GLT1D1: variants seen among roughly 807,000 people sequenced by gnomAD.
The protein encoded by GLT1D1 is glycosyltransferase 1 domain containing 1, also known as glycosyltransferase 1 domain-containing protein 1.
GLT1D1 carries 21 observed loss-of-function variants against 28.7 expected under a neutral mutation model. That is an observed-to-expected ratio of 0.73 (90% CI 0.52 to 1.05). The LOEUF is 1.05. GLT1D1 is among the 50% of genes least tolerant of loss of function. The pLI is 0.00. For missense variants in GLT1D1, 343 were observed against 330.6 expected (o/e 1.04, Z -0.29); for synonymous variants, 147 against 124.8 (o/e 1.18, Z -1.19).
chr12:128,962,883 A>C (rs1271613475), intron 7 of GLT1D1, among the ~76,000 whole-genome samples: 1 of 152,020 alleles, frequency 6.6e-6, no homozygotes, highest in Non-Finnish European at 1.5e-5. Flanking sequence ...GTATTTTATC[A>C]GTAGAGACGG....
At chr12:128,865,804 A>G (rs1051354764) in intron 1 of GLT1D1, among the ~76,000 whole-genome samples, 3 of 152,092 alleles carry the variant, frequency 2.0e-5, no homozygotes, top group African/African-American at 7.2e-5. Flanking sequence ...CCTGGGTGAC[A>G]GGGCGAGACT....
At position 128,876,039 on chromosome 12, in the gene GLT1D1, A is replaced by T; in HGVS notation, c.194A>T (p.Tyr65Phe). Residue 65 changes from tyrosine (Y) to phenylalanine (F), a missense_variant, in exon 2 of 8, where the codon TAT (tyrosine) becomes TTT (phenylalanine). Tyr to Phe is a conservative substitution (Grantham distance 22, BLOSUM62 3). Transcript: ENST00000281703. Reference sequence around the variant, plus strand: ...GAGGCTGCCCTGGCTCTTCATCTCTATAGGGGAGGCAGGCTTTTGCAAGGT... The same window carrying T: ...GAGGCTGCCCTGGCTCTTCATCTCTTTAGGGGAGGCAGGCTTTTGCAAGGT... The T allele has an allele frequency of 6.2e-7, 1 of 1,608,242 alleles. No individual in the cohort carries two copies. The highest frequency in any genetic ancestry group is 1.1e-5 in the South Asian group (1 of 89,554).
At chr12:128,982,351 G>A (rs1025915502) in intron 7 of GLT1D1, among the ~76,000 whole-genome samples, 12 of 152,194 alleles carry the variant, frequency 7.9e-5, no homozygotes, top group Admixed American at 6.5e-4. Context: ...AAGTGAGGTC[G>A]TTCAGAAGAA....
intron 4 of GLT1D1, among the ~76,000 whole-genome samples, chr12:128,930,034 C>G (rs973616781): frequency 6.6e-6 from 1 of 152,104 alleles, no homozygotes; most frequent in Admixed American, 6.6e-5. Context: ...ACATTGAATA[C>G]CATATGGAAG....
At chr12:128,958,114 G>A (rs76076858) in intron 7 of GLT1D1, among the ~76,000 whole-genome samples, 1,809 of 152,306 alleles carry the variant, frequency 0.012, 39 homozygotes, top group African/African-American at 0.039. Context: ...CTGTCCATCG[G>A]TCCAGCTGGT....
At chr12:128,959,935 A>T (rs1435936568) in intron 7 of GLT1D1, among the ~76,000 whole-genome samples, 1 of 152,208 alleles carries the variant, frequency 6.6e-6, no homozygotes. Context: ...CTGAATAGCA[A>T]TTCCTTATAA....
chr12:128,929,500 A>G (rs1309446005), intron 4 of GLT1D1, among the ~76,000 whole-genome samples: 1 of 152,168 alleles, frequency 6.6e-6, no homozygotes, highest in African/African-American at 2.4e-5. Context: ...AGCGAACTCT[A>G]CACAACTGCC....
intron 7 of GLT1D1, among the ~76,000 whole-genome samples, chr12:128,982,149 C>G (rs113413360): frequency 6.6e-6 from 1 of 152,098 alleles, no homozygotes; most frequent in Non-Finnish European, 1.5e-5. Context: ...AAACACAGCC[C>G]GAAGCTGAGC....
intron 1 of GLT1D1, among the ~76,000 whole-genome samples, chr12:128,858,760 C>A (rs1276317653): frequency 1.3e-5 from 2 of 152,018 alleles, no homozygotes; most frequent in Admixed American, 6.6e-5. Context: ...AAGTCTAGCA[C>A]CTTTTAAAGA....
At chr12:128,928,611 G>GCTTTTTTTTTTT (rs761083100) in intron 4 of GLT1D1, among the ~76,000 whole-genome samples, 1 of 147,030 alleles carries the variant, frequency 6.8e-6, no homozygotes. Context: ...GCGTGTTTGT[G>GCTTTTTTTTTTT]GTTTTTTTTT....
intron 7 of GLT1D1, among the ~76,000 whole-genome samples, chr12:128,982,446 C>T (rs2135563196): frequency 6.6e-6 from 1 of 152,302 alleles, no homozygotes; most frequent in East Asian, 1.9e-4. Context: ...CTTGGCTCTG[C>T]ACCCAGGGAA....
chr12:128,957,405 C>T (rs1220652145), intron 6 of GLT1D1, 140 bp from the exon 11 acceptor site: 3 of 589,710 alleles, frequency 5.1e-6, no homozygotes, highest in South Asian at 4.0e-5. Flanking sequence ...ATTGGGATAT[C>T]GTTTTGGAAA....
chr12:128,859,301 A>T (rs1256781546), intron 1 of GLT1D1, among the ~76,000 whole-genome samples: 1 of 152,062 alleles, frequency 6.6e-6, no homozygotes, highest in African/African-American at 2.4e-5. Flanking sequence ...AACCAATGGG[A>T]TGGGAAGAGA....
intron 7 of GLT1D1, among the ~76,000 whole-genome samples, chr12:128,973,258 T>C (rs2135546979): frequency 6.9e-6 from 1 of 144,060 alleles, no homozygotes; most frequent in East Asian, 2.2e-4. Context: ...TATTGGCTCA[T>C]TGTAACCTCC....
intron 4 of GLT1D1, among the ~76,000 whole-genome samples, chr12:128,932,108 G>A (rs944198177): frequency 6.6e-6 from 1 of 152,212 alleles, no homozygotes; most frequent in Non-Finnish European, 1.5e-5. Flanking sequence ...AGTCGGGGGC[G>A]TGGGGCTGCA....
chr12:128,966,278 A>T lies in GLT1D1; in HGVS notation c.639+8635A>T, dbSNP rs78194526. ...CCAGCATCCCTGCCTGAAATGCCCC[A>T]GGGGTGGCTGGCTGCACTTGGAAGA... On this transcript the variant is annotated intron_variant, in intron 7 of 7. Transcript: ENST00000281703. 2.0e-5 allele frequency among the ~76,000 whole-genome samples: 3 copies of T among 152,328 alleles called. No individual in the cohort carries two copies. The South Asian group carries it at 6.2e-4, about 32-fold the overall frequency.
chr12:128,863,934 A>C (rs927240245), intron 1 of GLT1D1, among the ~76,000 whole-genome samples: 3 of 143,192 alleles, frequency 2.1e-5, no homozygotes, highest in African/African-American at 7.9e-5. Flanking sequence ...CGACAGAGCA[A>C]GACTCCATCT....
chr12:128,916,091 G>T (rs1013445221), intron 4 of GLT1D1, among the ~76,000 whole-genome samples: 6 of 152,118 alleles, frequency 3.9e-5, no homozygotes, highest in Non-Finnish European at 8.8e-5. Flanking sequence ...ACCTGTTCTT[G>T]AACTTCATCT....
chr12:128,891,641 A>C (rs1302044957), intron 3 of GLT1D1, among the ~76,000 whole-genome samples: 1 of 152,194 alleles, frequency 6.6e-6, no homozygotes, highest in Non-Finnish European at 1.5e-5. Context: ...TACAGGGGAC[A>C]GCATTCAAAG....
Sources: gnomAD v4.1 joint callset for allele counts (sites outside exome capture counted in the v4.1 genomes callset) on GRCh38, gnomAD v4.1.1 for gene constraint, MANE v1.5 for transcripts, NCBI Gene and HGNC (gene_info 2026-07-23, HGNC 2026-07-21) for gene names.